Variants in SOX6 observed in about 807,000 individuals in gnomAD.
SOX6 encodes the protein transcription factor SOX-6.
SOX6 carries 11 observed loss-of-function variants against 97.8 expected under a neutral mutation model. That is an observed-to-expected ratio of 0.11 (90% CI 0.07 to 0.19). SOX6 has a LOEUF of 0.19. SOX6 is among the 10% of genes least tolerant of loss of function. The probability of loss-of-function intolerance (pLI) is 1.00; values close to 1 mark genes in which losing one functional copy is unlikely to be tolerated. For synonymous variants in SOX6, 360 were observed against 371.4 expected, an observed-to-expected ratio of 0.97 and a Z score of 0.35; for missense variants, 810 against 1,039.5, an observed-to-expected ratio of 0.78 and a Z score of 3.04.
At chr11:16,171,765 G>A (rs751390138) in intron 6 of SOX6, among the ~76,000 whole-genome samples, 1 of 151,750 alleles carries the variant, frequency 6.6e-6, no homozygotes, top group African/African-American at 2.4e-5. Context: ...AGCCCTGAAA[G>A]ATATTAGAAT....
intron 12 of SOX6, among the ~76,000 whole-genome samples, chr11:16,024,053 G>A (rs1221977394): frequency 6.6e-6 from 1 of 152,096 alleles, no homozygotes; most frequent in Non-Finnish European, 1.5e-5. Flanking sequence ...GTTAAAATGA[G>A]GCTCTTAGGG....
intron 4 of SOX6, among the ~76,000 whole-genome samples, chr11:16,608,720 T>C (rs1334212716): frequency 6.6e-6 from 1 of 152,166 alleles, no homozygotes; most frequent in African/African-American, 2.4e-5. Context: ...TAACAGGACA[T>C]GTACAAATCA....
At chr11:16,525,307 G>C (rs1165138439) in intron 4 of SOX6, among the ~76,000 whole-genome samples, 4 of 151,350 alleles carry the variant, frequency 2.6e-5, no homozygotes, top group Non-Finnish European at 5.9e-5. Flanking sequence ...GAACAGAACA[G>C]AGCCCTCAGA....
At chr11:16,714,451 C>CTTTTTT (rs761435639) in intron 3 of SOX6, among the ~76,000 whole-genome samples, 28 of 116,374 alleles carry the variant, frequency 2.4e-4, no homozygotes, top group African/African-American at 8.4e-4. Flanking sequence ...AATTTTCTTT[C>CTTTTTT]TTTTTTTTTT....
intron 4 of SOX6, among the ~76,000 whole-genome samples, chr11:16,521,127 G>A (rs551963490): frequency 2.0e-5 from 3 of 152,318 alleles, no homozygotes; most frequent in Non-Finnish European, 2.9e-5. Flanking sequence ...GAAGAGAGCA[G>A]TGGTTCTCCC....
Position 16,426,255 on chromosome 11 carries a change from CAAAAAAAAAAAAAAAAAAAAAAAAAA to C in SOX6, c.-5+50034_-5+50059del, listed in dbSNP as rs869158484. 2.0e-4 allele frequency among the ~76,000 whole-genome samples: 6 copies of C among 29,270 alleles called. No homozygotes were observed. The Admixed American group carries it at 3.6e-3, about 18-fold the overall frequency. 19.2% of individuals were successfully genotyped at this position (29,270 alleles called of 152,430 possible). A position where few individuals can be genotyped will look rare whatever the true frequency, so the allele number is the denominator to read the frequency against. On this transcript the variant is annotated intron_variant, in intron 1 of 15. Transcript: ENST00000396356. ...TGAGGGACAGAGTGAGACTCCATCT[CAAAAAAAAAAAAAAAAAAAAAAAAAA>C]AAAAAAAAAAAAAAACCACTATTTT...
chr11:16,518,297 A>C (rs565510847), intron 4 of SOX6, among the ~76,000 whole-genome samples: 56 of 152,276 alleles, frequency 3.7e-4, no homozygotes, highest in African/African-American at 1.3e-3. Flanking sequence ...AGCAAGTGGA[A>C]CGTCATTCCC....
At position 16,419,003 on chromosome 11, in the gene SOX6, A is replaced by T. The variant is rs368303076; in HGVS notation, c.-5+57312T>A. Reference sequence around the variant, plus strand: ...ATGTTTCCTGCCGCCTCACAAAAAGAGTATTTATATTAACATTCCAGATTC... The same window carrying T: ...ATGTTTCCTGCCGCCTCACAAAAAGTGTATTTATATTAACATTCCAGATTC... On this transcript the variant is annotated intron_variant, in intron 1 of 15. Coordinates refer to the SOX6 transcript ENST00000396356. 4.6e-5 allele frequency among the ~76,000 whole-genome samples: 7 copies of T among 152,274 alleles called. No individual in the cohort carries two copies. In the East Asian group the frequency reaches 7.7e-4, roughly 17 times the overall value.
At chr11:16,598,355 T>C (rs554030199) in intron 4 of SOX6, among the ~76,000 whole-genome samples, 3 of 152,162 alleles carry the variant, frequency 2.0e-5, no homozygotes, top group Admixed American at 1.3e-4. Context: ...TTCCTGACCT[T>C]CAATATTCTT....
chr11:16,186,669 T>G, intron 5 of SOX6, 114 bp downstream of exon 5: 1 of 1,291,500 alleles, frequency 7.7e-7, no homozygotes, highest in Non-Finnish European at 1.1e-6. Context: ...CTTTTCTTAT[T>G]TTTATTTTTA....
At chr11:16,259,293 A>T (rs1007489270) in intron 3 of SOX6, among the ~76,000 whole-genome samples, 1 of 152,064 alleles carries the variant, frequency 6.6e-6, no homozygotes, top group Non-Finnish European at 1.5e-5. Flanking sequence ...GAAATCCTAA[A>T]TAAATAGATG....
intron 3 of SOX6, among the ~76,000 whole-genome samples, chr11:16,714,536 C>G (rs1177014374): frequency 6.7e-6 from 1 of 150,224 alleles, no homozygotes; most frequent in Admixed American, 6.6e-5. Context: ...ACTGCAACCT[C>G]CGCCTCCCGG....
chr11:16,302,507 C>G (rs112656876), intron 3 of SOX6, among the ~76,000 whole-genome samples: 2 of 146,426 alleles, frequency 1.4e-5, no homozygotes, highest in African/African-American at 5.0e-5. Flanking sequence ...CTATTTAGAT[C>G]TAGAAAAAAA....
chr11:16,101,500 T>C (rs1220768083), intron 7 of SOX6, among the ~76,000 whole-genome samples: 2 of 151,708 alleles, frequency 1.3e-5, no homozygotes. Context: ...TGCAGTGTTT[T>C]TTCTACCTTT....
intron 5 of SOX6, among the ~76,000 whole-genome samples, chr11:16,186,482 G>C (rs562405062): frequency 1.1e-4 from 17 of 152,144 alleles, no homozygotes; most frequent in African/African-American, 4.1e-4. Context: ...AAGCTACAGA[G>C]GGATTATATG....
chr11:16,494,052 C>A (rs1410813274), intron 4 of SOX6, among the ~76,000 whole-genome samples: 1 of 152,056 alleles, frequency 6.6e-6, no homozygotes, highest in East Asian at 1.9e-4. Context: ...TTATAGTACA[C>A]CCAGACACTG....
At chr11:16,087,298 A>T (rs1337300603) in intron 9 of SOX6, among the ~76,000 whole-genome samples, 1 of 152,140 alleles carries the variant, frequency 6.6e-6, no homozygotes, top group Non-Finnish European at 1.5e-5. Context: ...TCTTTTAAAA[A>T]TTTTGTTTTA....
chr11:16,394,931 A>C (rs1858302179), intron 1 of SOX6, among the ~76,000 whole-genome samples: 1 of 151,912 alleles, frequency 6.6e-6, no homozygotes. Flanking sequence ...AACAAAAATG[A>C]AGAAAAGCTG....
intron 1 of SOX6, among the ~76,000 whole-genome samples, chr11:16,379,871 T>C (rs1857758240): frequency 6.6e-6 from 1 of 151,984 alleles, no homozygotes; most frequent in South Asian, 2.1e-4. Context: ...AGCTATGAAA[T>C]GGCCACAATA....
Sources: allele counts gnomAD v4.1 joint callset (sites outside exome capture counted in the v4.1 genomes callset), GRCh38; gene constraint gnomAD v4.1.1; transcripts MANE v1.5; gene names NCBI Gene and HGNC (gene_info 2026-07-23, HGNC 2026-07-21).